The following HCLS1 variants were observed in gnomAD, a reference collection of about 807,000 sequenced individuals.
HCLS1 encodes hematopoietic cell-specific Lyn substrate 1, also known as hematopoietic lineage cell-specific protein.
A neutral mutation model predicts 68.6 loss-of-function variants in HCLS1; 44 were observed. That is an observed-to-expected ratio of 0.64 (90% CI 0.50 to 0.82). The LOEUF is 0.82. Ranked by LOEUF, HCLS1 falls within the 40% of genes least tolerant of loss-of-function variation. The pLI, the probability that HCLS1 is intolerant of heterozygous loss-of-function variation, is 0.00. For synonymous variants in HCLS1, 217 were observed against 225.8 expected, an observed-to-expected ratio of 0.96 and a Z score of 0.35; for missense variants, 602 against 612.1, an observed-to-expected ratio of 0.98 and a Z score of 0.17.
At chr3:121,646,599 A>AAT (rs1221826889) in intron 4 of HCLS1, among the ~76,000 whole-genome samples, 7 of 111,704 alleles carry the variant, frequency 6.3e-5, no homozygotes, top group Admixed American at 2.4e-4. Flanking sequence ...AATATATATT[A>AAT]ATATATATAC....
chr3:121,632,450 A>G lies in HCLS1; in HGVS notation c.1122T>C (p.Pro374=), dbSNP rs199890405. The G allele has an allele frequency of 1.9e-6, 3 of 1,612,846 alleles. No individual in the cohort carries two copies. The highest frequency in any genetic ancestry group is 4.5e-5 in the East Asian group (2 of 44,840). ...PEPEPEPEPE[P]ENDYEDVEEM... ...CCTCAACGTCCTCATAGTCATTCTC[A>G]GGCTCGGGCTCAGGCTCGGGCTCAG... Residue 374 remains proline (P), a synonymous_variant, in exon 12 of 14, where the codon CCT becomes CCC. Coordinates refer to ENST00000314583, the MANE Select transcript of HCLS1 (RefSeq NM_005335.6).
chr3:121,653,259 AT>A (rs1937789801), intron 3 of HCLS1, among the ~76,000 whole-genome samples: 1 of 152,138 alleles, frequency 6.6e-6, no homozygotes, highest in African/African-American at 2.4e-5. Flanking sequence ...CAGGTGTGGA[AT>A]TTTCTACTTG....
intron 3 of HCLS1, among the ~76,000 whole-genome samples, chr3:121,652,300 T>TTA (rs1367337062): frequency 2.6e-5 from 4 of 151,956 alleles, no homozygotes; most frequent in South Asian, 2.1e-4. Context: ...GGTGGTTATA[T>TTA]TATATATATA....
rs552924570 is a variant in HCLS1 at position 121,659,982 on chromosome 3, A to C, written c.-1+838T>G. Among the ~76,000 whole-genome samples, 9 of 152,308 alleles carry C rather than the reference A, an allele frequency of 5.9e-5. No homozygotes were observed. The South Asian group carries it at 1.9e-3, about 32-fold the overall frequency. On this transcript the variant is annotated intron_variant, in intron 1 of 13. Coordinates refer to ENST00000314583, the MANE Select transcript of HCLS1 (RefSeq NM_005335.6). ...CCTTGACCTATTGACCAGAAACCAG[A>C]AAGGTAAGAAGTGCTATCTAGAGGT...
intron 4 of HCLS1, among the ~76,000 whole-genome samples, chr3:121,646,648 T>C (rs1208861096): frequency 8.5e-5 from 10 of 118,166 alleles, no homozygotes; most frequent in African/African-American, 3.3e-4. Flanking sequence ...TATTATATTA[T>C]ATATACTTAT....
At chr3:121,647,270 C>A in intron 4 of HCLS1, 49 bp downstream of exon 4, 1 of 1,600,804 alleles carries the variant, frequency 6.2e-7, no homozygotes, top group Non-Finnish European at 8.5e-7. Flanking sequence ...CGTGAGCCAC[C>A]GCACCCGGCT....
intron 8 of HCLS1, 92 bp downstream of exon 8, chr3:121,636,342 C>T: frequency 9.4e-7 from 1 of 1,068,728 alleles, no homozygotes; most frequent in Non-Finnish European, 1.5e-6. Context: ...ACCACCGTCC[C>T]CTCCCTCTCC....
chr3:121,637,472 C>G (rs1210050382), intron 6 of HCLS1, among the ~76,000 whole-genome samples: 2 of 151,890 alleles, frequency 1.3e-5, no homozygotes, highest in Non-Finnish European at 2.9e-5. Flanking sequence ...ATTTCCATGC[C>G]AAGATGAGAA....
chr3:121,642,101 T>G (rs1576464000), intron 6 of HCLS1, among the ~76,000 whole-genome samples: 1 of 139,864 alleles, frequency 7.1e-6, no homozygotes. Flanking sequence ...AAAAAAAACT[T>G]GATCAATATT....
intron 1 of HCLS1, among the ~76,000 whole-genome samples, chr3:121,659,887 C>CA (rs771551016): frequency 2.6e-5 from 4 of 152,234 alleles, no homozygotes; most frequent in Non-Finnish European, 5.9e-5. Flanking sequence ...TCTGAGGCCT[C>CA]AGCCTGACTC....
In HCLS1 at chr3:121,634,336, T is replaced by C. The variant is rs768520224; in HGVS notation, c.774A>G (p.Ala258=). 3.1e-6 allele frequency: 5 copies of C among 1,614,042 alleles called. No individual in the cohort carries two copies. The highest frequency in any genetic ancestry group is 1.3e-5 in the African/African-American group (1 of 74,924). The change falls in exon 10 of 14, where the codon GCA becomes GCG. Residue 258 remains alanine, a synonymous_variant. Transcript: ENST00000314583. ...EKRKREEEEK[A]QQVARRQQER... is the part of the protein sequence containing the mutation. ...CCTGTTGCCTCCTGGCCACCTGCTG[T>C]GCCTTCTCCTCTTCCTCTCGCTTCC... is the stretch of plus-strand genomic sequence containing the variant.
chr3:121,654,942 A>G (rs1395638771), intron 3 of HCLS1, among the ~76,000 whole-genome samples: 1 of 152,210 alleles, frequency 6.6e-6, no homozygotes. Flanking sequence ...AGTCCTCTAG[A>G]GGTCTTTTTG....
intron 5 of HCLS1, chr3:121,644,585 A>G (rs759991425): frequency 2.2e-5 from 14 of 645,664 alleles, no homozygotes; most frequent in Non-Finnish European, 3.7e-5. Context: ...ATTCAAACAC[A>G]CAGTTTGAGA....
At chr3:121,646,353 A>T (rs1200212324) in intron 4 of HCLS1, among the ~76,000 whole-genome samples, 3 of 101,714 alleles carry the variant, frequency 2.9e-5, no homozygotes, top group Non-Finnish European at 5.1e-5. Context: ...TATATAATAT[A>T]TTACATTATA....
At position 121,647,302 on chromosome 3, in the gene HCLS1, T is replaced by C; in HGVS notation, c.288+17A>G. 6 of 1,613,434 alleles carry C rather than the reference T, an allele frequency of 3.7e-6. No individual in the cohort carries two copies. Among genetic ancestry groups the C allele is most frequent in the Non-Finnish European group, 5.1e-6 (6 of 1,179,700 alleles). On this transcript the variant is annotated intron_variant, in intron 4 of 13. Transcript: ENST00000314583. ...GGCTTGTATTTTTTTAAAGCAAATC[T>C]TTCCCTTTCAACTTACCTTGTCCAT...
intron 7 of HCLS1, 62 bp downstream of exon 7, chr3:121,637,084 A>G (rs1444498881): frequency 3.3e-6 from 4 of 1,221,892 alleles, no homozygotes; most frequent in Non-Finnish European, 4.9e-6. Context: ...GTGAGCTTCC[A>G]GAAAGGAAGG....
At chr3:121,653,030 G>T (rs1937784424) in intron 3 of HCLS1, among the ~76,000 whole-genome samples, 1 of 152,088 alleles carries the variant, frequency 6.6e-6, no homozygotes, top group African/African-American at 2.4e-5. Flanking sequence ...TTTGGATTCA[G>T]GATTTTTTCA....
intron 4 of HCLS1, among the ~76,000 whole-genome samples, chr3:121,646,903 T>C (rs1937616385): frequency 6.9e-6 from 1 of 145,666 alleles, no homozygotes; most frequent in African/African-American, 2.5e-5. Flanking sequence ...TATAATTATA[T>C]ATAAGTATAT....
intron 4 of HCLS1, among the ~76,000 whole-genome samples, chr3:121,646,398 AATAT>A (rs1214658906): frequency 1.1e-5 from 1 of 87,198 alleles, no homozygotes; most frequent in East Asian, 4.1e-4. Flanking sequence ...ATTACTATGT[AATAT>A]ATTACATAGT....
Sources: gnomAD v4.1 joint callset for allele counts (sites outside exome capture counted in the v4.1 genomes callset) on GRCh38, gnomAD v4.1.1 for gene constraint, MANE v1.5 for transcripts, NCBI Gene and HGNC (gene_info 2026-07-23, HGNC 2026-07-21) for gene names.